The following SYTL2 variants were observed in gnomAD, a reference collection of about 807,000 sequenced individuals.
SYTL2 encodes the protein synaptotagmin like 2.
Under a neutral mutation model 198.7 loss-of-function variants are expected in SYTL2, and 165 were observed. The observed-to-expected ratio is 0.83, with a 90% CI of 0.73 to 0.94. The LOEUF is 0.94. Ranked by LOEUF, SYTL2 falls within the 40% of genes least tolerant of loss-of-function variation. The pLI is 0.00. For missense variants in SYTL2, 2,835 were observed against 2,582.8 expected, an observed-to-expected ratio of 1.10 and a Z score of -2.12; for synonymous variants, 966 against 917.7, an observed-to-expected ratio of 1.05 and a Z score of -0.95.
At chr11:85,734,971 G>A (rs757479347) in intron 6 of SYTL2, among the ~76,000 whole-genome samples, 3 of 152,142 alleles carry the variant, frequency 2.0e-5, no homozygotes, top group African/African-American at 7.2e-5. Context: ...AATGGTGGCC[G>A]CACACTATTA....
chr11:85,759,589 T>A (rs993678507), intron 1 of SYTL2, among the ~76,000 whole-genome samples: 2 of 152,202 alleles, frequency 1.3e-5, no homozygotes, highest in African/African-American at 4.8e-5. Context: ...TTTTTTTCCA[T>A]CCAGCTGAAT....
chr11:85,817,407 T>TAC, the SYTL2 span, among the ~76,000 whole-genome samples: 2 of 152,060 alleles, frequency 1.3e-5, no homozygotes, highest in African/African-American at 2.4e-5. Flanking sequence ...GTAAAATATA[T>TAC]ACACACACAC....
In SYTL2 at chr11:85,734,518, T is replaced by C; in HGVS notation, c.811A>G (p.Arg271Gly). ...TDSLKARGAPRGILKRNSSSS... is the reference protein window; with the variant it reads ...TDSLKARGAPGGILKRNSSSS... ...CTGGAGTTGCGCTTGAGGATCCCTC[T>C]CGGAGCCCCTCTCGCTTTCAGGGAG... The change falls in exon 7 of 20, where the codon AGA becomes GGA. Residue 271 changes from arginine (R) to glycine (G), a missense_variant. By Grantham distance (125) the Arg-to-Gly change is moderately radical. Coordinates refer to ENST00000359152, the MANE Select transcript of SYTL2 (RefSeq NM_206927.4). The C allele has an allele frequency of 6.2e-7, 1 of 1,614,214 alleles. No individual in the cohort carries two copies.
upstream of SYTL2, among the ~76,000 whole-genome samples, chr11:85,813,780 T>G (rs1467092262): frequency 6.9e-6 from 1 of 145,744 alleles, no homozygotes; most frequent in Non-Finnish European, 1.5e-5. Flanking sequence ...GCCCAGGCAG[T>G]GGCACAAACA....
intron 14 of SYTL2, 147 bp from the exon 15 acceptor site, chr11:85,707,678 T>A (rs2085416947): frequency 4.9e-6 from 3 of 610,664 alleles, no homozygotes; most frequent in Non-Finnish European, 8.7e-6. Flanking sequence ...TTCCTACCAA[T>A]ACCTTTATAC....
chr11:85,737,219 C>G (rs558514467), intron 5 of SYTL2, among the ~76,000 whole-genome samples: 2 of 152,292 alleles, frequency 1.3e-5, no homozygotes, highest in African/African-American at 4.8e-5. Flanking sequence ...AGAAGCAGAT[C>G]TCTAACAGAG....
the SYTL2 span, among the ~76,000 whole-genome samples, chr11:85,851,099 C>T: frequency 2.0e-5 from 3 of 151,482 alleles, no homozygotes; most frequent in Admixed American, 6.6e-5. Context: ...GTGGGTGCAG[C>T]GCACCAGCAT....
chr11:85,745,219 A>T (rs1054040784), intron 4 of SYTL2, among the ~76,000 whole-genome samples: 1 of 152,136 alleles, frequency 6.6e-6, no homozygotes, highest in East Asian at 1.9e-4. Context: ...ATTCACATCT[A>T]TCTGGTTCTT....
At chr11:85,803,384 G>A (rs751073353) in intron 1 of SYTL2, among the ~76,000 whole-genome samples, 2 of 152,050 alleles carry the variant, frequency 1.3e-5, no homozygotes, top group Non-Finnish European at 2.9e-5. Flanking sequence ...TGTAATTAAG[G>A]TCTTCTTGCC....
chr11:85,802,591 C>T (rs1212980781), intron 1 of SYTL2, among the ~76,000 whole-genome samples: 1 of 152,042 alleles, frequency 6.6e-6, no homozygotes, highest in African/African-American at 2.4e-5. Flanking sequence ...AGTACTACTT[C>T]ACCATTGTCA....
At chr11:85,729,254 C>T (rs1466510568) in intron 7 of SYTL2, among the ~76,000 whole-genome samples, 2 of 152,198 alleles carry the variant, frequency 1.3e-5, no homozygotes, top group East Asian at 3.8e-4. Flanking sequence ...AAGACATCTA[C>T]AGAACTCTCC....
At chr11:85,813,716 TTTCCTTCCTTCC>T (rs539849388), upstream of SYTL2, among the ~76,000 whole-genome samples, 3 of 107,210 alleles carry the variant, frequency 2.8e-5, no homozygotes, top group South Asian at 3.7e-4. Flanking sequence ...CCCTCCCTCC[TTTCCTTCCTTCC>T]TTCCTTCCTT....
chr11:85,718,908 T>G, intron 9 of SYTL2, 65 bp from the exon 10 acceptor site: 1 of 1,591,370 alleles, frequency 6.3e-7, no homozygotes, highest in Non-Finnish European at 8.6e-7. Context: ...AACAATGAGA[T>G]TGTCCCTGGA....
In SYTL2 at chr11:85,725,733, A is replaced by G. The variant is rs780431265; in HGVS notation, c.3625T>C (p.Leu1209=). 3.7e-6 allele frequency: 6 copies of G among 1,614,038 alleles called. No individual in the cohort carries two copies. Among genetic ancestry groups the G allele is most frequent in the Non-Finnish European group, 4.2e-6 (5 of 1,180,006 alleles). ...VVHPKVKRNS[L]TASLDKLLKE... is the part of the protein sequence containing the mutation. The stretch of plus-strand genomic sequence containing the variant: ...AGGAGTTTGTCTAGACTAGCAGTCA[A>G]AGAGTTCCGTTTAACCTTTGGATGA... Residue 1209 remains leucine (L), a synonymous_variant, in exon 8 of 20, where the codon TTG becomes CTG. Coordinates refer to ENST00000359152, the MANE Select transcript of SYTL2 (RefSeq NM_206927.4).
intron 2 of SYTL2, among the ~76,000 whole-genome samples, chr11:85,752,936 A>C (rs956537989): frequency 7.0e-5 from 10 of 143,326 alleles, no homozygotes; most frequent in South Asian, 4.8e-4. Flanking sequence ...AAAAAAAAAA[A>C]AAAAAAAAAA....
At chr11:85,817,907 T>C in the SYTL2 span, among the ~76,000 whole-genome samples, 5 of 147,902 alleles carry the variant, frequency 3.4e-5, no homozygotes, top group African/African-American at 5.0e-5. Flanking sequence ...CTTTTCTTTT[T>C]TTTTTTTTTT....
intron 1 of SYTL2, among the ~76,000 whole-genome samples, chr11:85,773,536 G>A (rs1374745000): frequency 1.3e-5 from 2 of 152,002 alleles, no homozygotes; most frequent in Non-Finnish European, 2.9e-5. Context: ...CACAGGACTC[G>A]GCATTATATA....
At chr11:85,742,773 G>A (rs79641397) in intron 4 of SYTL2, among the ~76,000 whole-genome samples, 2 of 152,106 alleles carry the variant, frequency 1.3e-5, no homozygotes, top group African/African-American at 2.4e-5. Flanking sequence ...ACTACAAAGG[G>A]TTTATGAAGT....
chr11:85,847,821 T>A, the SYTL2 span, among the ~76,000 whole-genome samples: 16 of 152,374 alleles, frequency 1.1e-4, no homozygotes, highest in African/African-American at 3.1e-4. Context: ...GTTGGTTTTT[T>A]TCCTATTGAG....
Sources: allele counts gnomAD v4.1 joint callset (sites outside exome capture counted in the v4.1 genomes callset), GRCh38; gene constraint gnomAD v4.1.1; transcripts MANE v1.5; gene names NCBI Gene and HGNC (gene_info 2026-07-23, HGNC 2026-07-21).